PDSS2: variants seen among roughly 807,000 people sequenced by gnomAD.
PDSS2 encodes decaprenyl diphosphate synthase subunit 2.
PDSS2 carries 31 observed loss-of-function variants against 44.5 expected under a neutral mutation model. The observed-to-expected ratio is 0.70, with a 90% CI of 0.52 to 0.94. The LOEUF (loss-of-function observed/expected upper bound fraction) is 0.94. PDSS2 is among the 40% of genes least tolerant of loss of function. PDSS2 has a pLI of 0.00. For missense variants in PDSS2, 452 were observed against 482.2 expected, an observed-to-expected ratio of 0.94 and a Z score of 0.59; for synonymous variants, 157 against 180.3, an observed-to-expected ratio of 0.87 and a Z score of 1.03.
chr6:107,212,172 C>T lies in PDSS2; in HGVS notation c.813G>A (p.Lys271=), dbSNP rs746982042. The change falls in exon 5 of 8, where the codon AAG becomes AAA. Residue 271 remains lysine, a synonymous_variant. Coordinates refer to ENST00000369037, the MANE Select transcript of PDSS2 (RefSeq NM_020381.4). ...KSCQAAMELA[K]HDAEVQNMAF... ...CCATATTCTGAACCTCAGCATCATG[C>T]TTTGCTAATTCCATTGCAGCTTGGC... is the stretch of plus-strand genomic sequence containing the variant. The T allele has an allele frequency of 3.9e-5, 63 of 1,614,026 alleles. No homozygotes were observed. The highest frequency in any genetic ancestry group is 5.2e-5 in the Non-Finnish European group (61 of 1,179,990).
At chr6:107,240,585 A>G (rs997740075) in intron 4 of PDSS2, among the ~76,000 whole-genome samples, 1 of 151,876 alleles carries the variant, frequency 6.6e-6, no homozygotes, top group African/African-American at 2.4e-5. Flanking sequence ...TTTAGTACAG[A>G]TGGAGTTTCG....
At chr6:107,366,545 AAAC>A (rs778442400) in intron 1 of PDSS2, among the ~76,000 whole-genome samples, 2 of 152,136 alleles carry the variant, frequency 1.3e-5, no homozygotes, top group South Asian at 4.1e-4. Context: ...GAAAAAAGAA[AAAC>A]AATAAAGAAA....
intron 1 of PDSS2, among the ~76,000 whole-genome samples, chr6:107,444,557 A>G (rs1442249673): frequency 6.6e-6 from 1 of 152,274 alleles, no homozygotes; most frequent in East Asian, 1.9e-4. Context: ...CACCTCAAAT[A>G]TTTGTGGAAT....
chr6:107,280,406 CTTATG>C (rs1562431256), intron 2 of PDSS2, among the ~76,000 whole-genome samples: 1 of 152,150 alleles, frequency 6.6e-6, no homozygotes, highest in Admixed American at 6.5e-5. Flanking sequence ...ATAAATACAA[CTTATG>C]TTAAGTAATC....
At chr6:107,262,944 G>A (rs1307831872) in intron 3 of PDSS2, among the ~76,000 whole-genome samples, 1 of 151,352 alleles carries the variant, frequency 6.6e-6, no homozygotes, top group East Asian at 1.9e-4. Flanking sequence ...AAAAAATAAA[G>A]AAATAAAAAT....
chr6:107,346,993 G>A (rs1232220878), intron 1 of PDSS2, among the ~76,000 whole-genome samples: 1 of 152,146 alleles, frequency 6.6e-6, no homozygotes, highest in African/African-American at 2.4e-5. Context: ...GGGATCAAGG[G>A]AAGCCCTGAG....
At chr6:107,265,488 CAT>C (rs920885182) in intron 3 of PDSS2, among the ~76,000 whole-genome samples, 5 of 152,160 alleles carry the variant, frequency 3.3e-5, no homozygotes, top group African/African-American at 9.7e-5. Context: ...AAAACAGTGA[CAT>C]ATTATAAACA....
At chr6:107,304,539 T>A (rs569004332) in intron 2 of PDSS2, among the ~76,000 whole-genome samples, 10 of 152,322 alleles carry the variant, frequency 6.6e-5, no homozygotes, top group African/African-American at 2.4e-4. Context: ...ACTTAATAGC[T>A]GCGTGAGCTG....
intron 5 of PDSS2, 49 bp downstream of exon 5, chr6:107,212,060 C>T (rs542634252): frequency 3.8e-5 from 56 of 1,486,208 alleles, no homozygotes; most frequent in South Asian, 1.8e-4. Flanking sequence ...TCTTGTGTGT[C>T]GTTTTAGCTA....
chr6:107,153,112 TG>T lies in PDSS2; in HGVS notation c.*1506del. 6.6e-6 allele frequency: 1 copy of T among 152,630 alleles called. No homozygotes were observed. Among genetic ancestry groups the T allele is most frequent in the Non-Finnish European group, 1.5e-5 (1 of 68,044 alleles). The allele number at this position is 152,630 out of a possible 1,614,324, so 9.5% of individuals were successfully genotyped here. ...CCTGATAAAATGGTTTTATAACTTT[TG>T]GGGGAGGGCTTTAACTAAAATAACT... On this transcript the variant is annotated 3_prime_UTR_variant, in exon 8 of 8. Coordinates refer to ENST00000369037, the MANE Select transcript of PDSS2 (RefSeq NM_020381.4).
At chr6:107,302,195 G>A (rs1582913966) in intron 2 of PDSS2, among the ~76,000 whole-genome samples, 1 of 152,034 alleles carries the variant, frequency 6.6e-6, no homozygotes, top group African/African-American at 2.4e-5. Flanking sequence ...AATTTATCAT[G>A]CACGGTAGTA....
chr6:107,167,457 G>T (rs1297206723), intron 7 of PDSS2, among the ~76,000 whole-genome samples: 3 of 152,124 alleles, frequency 2.0e-5, no homozygotes, highest in African/African-American at 7.2e-5. Context: ...TTTTTGAAGG[G>T]TTTTTGTGTC....
At chr6:107,217,516 C>T (rs892601709) in intron 4 of PDSS2, among the ~76,000 whole-genome samples, 2 of 151,948 alleles carry the variant, frequency 1.3e-5, no homozygotes, top group Non-Finnish European at 2.9e-5. Context: ...GAATACAAGT[C>T]TGTCAACATC....
intron 4 of PDSS2, among the ~76,000 whole-genome samples, chr6:107,240,416 T>A (rs1307131562): frequency 6.6e-6 from 1 of 150,866 alleles, no homozygotes; most frequent in East Asian, 1.9e-4. Context: ...TTTTTTTTTT[T>A]TTGAAACTGC....
intron 7 of PDSS2, among the ~76,000 whole-genome samples, chr6:107,166,215 G>A (rs1771341633): frequency 6.6e-6 from 1 of 152,090 alleles, no homozygotes; most frequent in Non-Finnish European, 1.5e-5. Flanking sequence ...GAATAGGAGT[G>A]GTGAGAGAGG....
intron 4 of PDSS2, among the ~76,000 whole-genome samples, chr6:107,230,668 C>CTCT (rs1292373547): frequency 3.2e-4 from 48 of 151,820 alleles, no homozygotes; most frequent in South Asian, 6.2e-4. Context: ...AGCAGACTAG[C>CTCT]CAGGGCATGT....
intron 2 of PDSS2, among the ~76,000 whole-genome samples, chr6:107,310,703 A>T (rs894914103): frequency 6.6e-6 from 1 of 152,134 alleles, no homozygotes; most frequent in Non-Finnish European, 1.5e-5. Context: ...AGTCTCAACC[A>T]TCTGGCCCTG....
chr6:107,310,678 T>A (rs762168244), intron 2 of PDSS2, among the ~76,000 whole-genome samples: 14 of 152,174 alleles, frequency 9.2e-5, no homozygotes, highest in East Asian at 1.9e-4. Flanking sequence ...TTCCTTTCTA[T>A]GAAGAGAGTA....
At chr6:107,449,764 T>A (rs1781805002) in intron 1 of PDSS2, among the ~76,000 whole-genome samples, 1 of 152,144 alleles carries the variant, frequency 6.6e-6, no homozygotes, top group South Asian at 2.1e-4. Flanking sequence ...AGAGATGGGG[T>A]CTCACTGTGT....
Sources: gnomAD v4.1 joint callset for allele counts (sites outside exome capture counted in the v4.1 genomes callset) on GRCh38, gnomAD v4.1.1 for gene constraint, MANE v1.5 for transcripts, NCBI Gene and HGNC (gene_info 2026-07-23, HGNC 2026-07-21) for gene names.